The following SPNS3 variants were observed in gnomAD, a reference collection of about 807,000 sequenced individuals.
The protein encoded by SPNS3 is SPNS lysolipid transporter 3, sphingosine-1-phosphate (putative).
In SPNS3, 51 loss-of-function variants were observed where a neutral mutation model predicts 54.4. The ratio of observed to expected loss-of-function variants is 0.94; its 90% CI spans 0.75 to 1.18. The LOEUF (loss-of-function observed/expected upper bound fraction) is 1.18, where lower values mean the gene tolerates loss of function less well. SPNS3 is among the 50% of genes most tolerant of loss of function. The pLI is 0.00. For synonymous variants in SPNS3, 309 were observed against 294.7 expected (o/e 1.05, Z -0.50); for missense variants, 669 against 677.4 (o/e 0.99, Z 0.14).
At chr17:4,465,180 C>T (rs911390361) in intron 8 of SPNS3, among the ~76,000 whole-genome samples, 8 of 152,088 alleles carry the variant, frequency 5.3e-5, no homozygotes, top group Admixed American at 1.3e-4. Context: ...GCCTGGCAGT[C>T]GATTCAGCTG....
intron 4 of SPNS3, chr17:4,446,532 C>T (rs948262312): frequency 1.6e-5 from 8 of 504,996 alleles, no homozygotes; most frequent in Admixed American, 1.3e-4. Flanking sequence ...AGGCCCTGCA[C>T]CCCACAACAG....
chr17:4,472,010 C>A (rs946263517), intron 8 of SPNS3, among the ~76,000 whole-genome samples: 1 of 151,986 alleles, frequency 6.6e-6, no homozygotes, highest in Non-Finnish European at 1.5e-5. Flanking sequence ...AGGCGTGCTC[C>A]ACGACGCCAG....
At chr17:4,453,574 C>T (rs976349467) in intron 8 of SPNS3, among the ~76,000 whole-genome samples, 10 of 151,978 alleles carry the variant, frequency 6.6e-5, no homozygotes, top group South Asian at 2.1e-4. Flanking sequence ...GCTGAGATTG[C>T]GCCACTGCAC....
chr17:4,486,358 G>A lies in SPNS3; in HGVS notation c.1278+32G>A. 2 of 1,598,292 alleles carry A rather than the reference G, an allele frequency of 1.3e-6. No homozygotes were observed. Among genetic ancestry groups the A allele is most frequent in the Admixed American group, 1.8e-5 (1 of 56,368 alleles). ...CGTGTCTGCGTGTGTGGGGTGGGGA[G>A]GGTCTGGGGGCCAGGCTGGTGGGCC... On this transcript the variant is annotated intron_variant, in intron 10 of 11. Transcript: ENST00000355530. The surrounding 1 kb of genome is among the most constrained non-coding windows in gnomAD (Gnocchi z 5.5).
Position 4,487,996 on chromosome 17 carries a change from C to A in SPNS3, c.*102C>A. 1.0e-6 allele frequency: 1 copy of A among 971,168 alleles called. No homozygotes were observed. The highest frequency in any genetic ancestry group is 1.6e-6 in the Non-Finnish European group (1 of 626,780). The allele number at this position is 971,168 out of a possible 1,614,324, so 60.2% of individuals were successfully genotyped here. On this transcript the variant is annotated 3_prime_UTR_variant, in exon 12 of 12. Transcript: ENST00000355530. ...CTGTCCTCGGGGACTCCGGCTGAGGCACATCTGCCACTTTTGAATTCCCGG... is the reference window on the plus strand; with the variant it reads ...CTGTCCTCGGGGACTCCGGCTGAGGAACATCTGCCACTTTTGAATTCCCGG...
intron 8 of SPNS3, among the ~76,000 whole-genome samples, chr17:4,463,030 TCTTGGGTGGGC>T (rs899252706): frequency 6.6e-6 from 1 of 151,826 alleles, no homozygotes; most frequent in African/African-American, 2.4e-5. Flanking sequence ...TCCAAACTCT[TCTTGGGTGGGC>T]ATGTGTGCTG....
At chr17:4,478,436 C>A in intron 8 of SPNS3, 136 bp from the exon 9 acceptor site, 1 of 753,424 alleles carries the variant, frequency 1.3e-6, no homozygotes, top group Non-Finnish European at 2.2e-6. Flanking sequence ...CTAGGCCTTC[C>A]TCGCTCACTC....
chr17:4,434,991 C>T (rs1476958200), intron 1 of SPNS3, among the ~76,000 whole-genome samples: 8 of 149,752 alleles, frequency 5.3e-5, no homozygotes, highest in South Asian at 2.1e-4. Context: ...TTAGTAGAGA[C>T]GGGGTTTTGC....
intron 9 of SPNS3, chr17:4,485,209 G>A (rs1015533345): frequency 6.6e-6 from 1 of 152,162 alleles, no homozygotes; most frequent in Non-Finnish European, 1.5e-5. Flanking sequence ...ATGTCCACAC[G>A]AAGCCTCCAG....
intron 2 of SPNS3, among the ~76,000 whole-genome samples, chr17:4,443,050 A>G (rs781253460): frequency 1.3e-5 from 2 of 150,788 alleles, no homozygotes; most frequent in Non-Finnish European, 1.5e-5. Context: ...GGATATATAC[A>G]TATTTGTTGT....
At position 4,448,145 on chromosome 17, in the gene SPNS3, C is replaced by CT; in HGVS notation, c.622-9dup. The CT allele has an allele frequency of 6.4e-7, 1 of 1,573,242 alleles. No individual in the cohort carries two copies. The highest frequency in any genetic ancestry group is 8.6e-7 in the Non-Finnish European group (1 of 1,164,106). On this transcript the variant is annotated splice_polypyrimidine_tract_variant and intron_variant, in intron 5 of 11. Transcript: ENST00000355530. ...GCGGCCCTGAGCTTCCTGGGCCCTC[C>CT]TGTCCCCAGGTCATGCCCTGCCTGG...
At chr17:4,437,194 G>T (rs1970737127) in intron 1 of SPNS3, among the ~76,000 whole-genome samples, 1 of 152,130 alleles carries the variant, frequency 6.6e-6, no homozygotes, top group Admixed American at 6.6e-5. Flanking sequence ...ACAGATGAAA[G>T]CAAGGGTGGG....
intron 8 of SPNS3, among the ~76,000 whole-genome samples, chr17:4,464,966 C>T (rs1971639173): frequency 2.0e-5 from 3 of 152,224 alleles, no homozygotes; most frequent in Admixed American, 6.5e-5. Context: ...CAGGCATGAG[C>T]CACCACTCCC....
chr17:4,450,762 A>ATTT lies in SPNS3; in HGVS notation c.923+1390_923+1392dup, dbSNP rs11415054. On this transcript the variant is annotated intron_variant, in intron 7 of 11. Transcript: ENST00000355530. ...CAGGCATGTGCTACCATGCCCAGCT[A>ATTT]TTTTTTTTTTTTTTTTTGTATTTTT... is the stretch of plus-strand genomic sequence containing the variant. Among the ~76,000 whole-genome samples the ATTT allele has an allele frequency of 1.5e-3, 196 of 127,188 alleles. 2 individuals are homozygous for ATTT. The highest frequency in any genetic ancestry group is 2.7e-3 in the Admixed American group (32 of 11,960). 83.4% of individuals were successfully genotyped at this position (127,188 alleles called of 152,430 possible).
intron 8 of SPNS3, among the ~76,000 whole-genome samples, chr17:4,460,847 G>A (rs1313220979): frequency 6.6e-6 from 1 of 152,078 alleles, no homozygotes; most frequent in African/African-American, 2.4e-5. Context: ...TCTGGTTTTG[G>A]TATCAGGGTA....
At chr17:4,443,783 T>C (rs1049828384) in intron 2 of SPNS3, among the ~76,000 whole-genome samples, 1 of 152,188 alleles carries the variant, frequency 6.6e-6, no homozygotes. Context: ...CCAAAACATA[T>C]TAACAAACAA....
intron 8 of SPNS3, among the ~76,000 whole-genome samples, chr17:4,464,177 C>T (rs766829649): frequency 6.6e-6 from 1 of 152,184 alleles, no homozygotes; most frequent in African/African-American, 2.4e-5. Flanking sequence ...CCTGTGGCCA[C>T]GTACAGAAAC....
intron 1 of SPNS3, among the ~76,000 whole-genome samples, chr17:4,434,784 A>G (rs940639049): frequency 3.0e-4 from 44 of 149,022 alleles, no homozygotes; most frequent in Admixed American, 1.3e-4. Context: ...CTGGGATTAC[A>G]GGCATGAGCC....
intron 8 of SPNS3, among the ~76,000 whole-genome samples, chr17:4,456,810 G>A (rs1971328684): frequency 6.6e-6 from 1 of 152,088 alleles, no homozygotes; most frequent in South Asian, 2.1e-4. Context: ...TGCCTCCCAG[G>A]TTCAAGTGAT....
Sources: allele counts gnomAD v4.1 joint callset (sites outside exome capture counted in the v4.1 genomes callset), GRCh38; gene constraint gnomAD v4.1.1; non-coding constraint Gnocchi (gnomAD v3.1); transcripts MANE v1.5; gene names NCBI Gene and HGNC (gene_info 2026-07-23, HGNC 2026-07-21).